Variants in CDC42BPG observed in about 807,000 individuals in gnomAD.
CDC42BPG encodes CDC42 binding protein kinase gamma.
In CDC42BPG, 157 loss-of-function variants were observed where a neutral mutation model predicts 192.2. That is an observed-to-expected ratio of 0.82 (90% CI 0.72 to 0.93). CDC42BPG has a LOEUF of 0.93. Among genes scored for constraint, CDC42BPG ranks in the 40% least tolerant of loss-of-function variants. The pLI, the probability that CDC42BPG is intolerant of heterozygous loss-of-function variation, is 0.00. For missense variants in CDC42BPG, 1,992 were observed against 2,122.1 expected, an observed-to-expected ratio of 0.94 and a Z score of 1.20; for synonymous variants, 981 against 918.5, an observed-to-expected ratio of 1.07 and a Z score of -1.23.
In CDC42BPG at chr11:64,837,027, G is replaced by A. The variant is rs370024764; in HGVS notation, c.1206-8C>T. On this transcript the variant is annotated splice_region_variant and splice_polypyrimidine_tract_variant and intron_variant, in intron 9 of 36. Transcript: ENST00000342711. Reference sequence around the variant, plus strand: ...CTGCTCTCAGGACTGTGACTGTAGGGGGACAGGGGCCATGTTTGTTGGTAG... The same window carrying A: ...CTGCTCTCAGGACTGTGACTGTAGGAGGACAGGGGCCATGTTTGTTGGTAG... 1.8e-5 allele frequency: 29 copies of A among 1,608,844 alleles called. No homozygotes were observed. In the African/African-American group the frequency reaches 3.1e-4, roughly 17 times the overall value.
At chr11:64,842,583 CGT>C (rs1943327143) in intron 1 of CDC42BPG, among the ~76,000 whole-genome samples, 1 of 152,218 alleles carries the variant, frequency 6.6e-6, no homozygotes, top group African/African-American at 2.4e-5. Flanking sequence ...CCCCTGAAGG[CGT>C]GAGTGCTCAG....
chr11:64,826,947 A>G (rs1317119915), intron 34 of CDC42BPG, 103 bp downstream of exon 34: 1 of 1,156,180 alleles, frequency 8.6e-7, no homozygotes, highest in Non-Finnish European at 1.3e-6. Flanking sequence ...CCCAGGCCTT[A>G]GGAGTAATTA....
intron 36 of CDC42BPG, among the ~76,000 whole-genome samples, chr11:64,824,916 TTTTG>T (rs1395273537): frequency 6.6e-6 from 1 of 151,502 alleles, no homozygotes; most frequent in African/African-American, 2.4e-5. Flanking sequence ...CCTAGTTAAT[TTTTG>T]TTTTTCGTTT....
At chr11:64,837,056 C>T (rs1488326028) in intron 9 of CDC42BPG, 37 bp from the exon 10 acceptor site, 1 of 1,507,082 alleles carries the variant, frequency 6.6e-7, no homozygotes, top group Admixed American at 1.7e-5. Context: ...TTGGTAGAAA[C>T]CTCACCCCAC....
chr11:64,840,477 C>A, intron 4 of CDC42BPG, 76 bp downstream of exon 4: 3 of 1,490,728 alleles, frequency 2.0e-6, no homozygotes, highest in Non-Finnish European at 1.9e-6. Flanking sequence ...TCTCTTTGGG[C>A]CCAGTGCCCC....
Position 64,844,325 on chromosome 11 carries a change from G to A in CDC42BPG, c.160+85C>T, listed in dbSNP as rs936837821. The A allele has an allele frequency of 2.5e-6, 3 of 1,223,024 alleles. No individual in the cohort carries two copies. In the South Asian group the frequency reaches 6.7e-5, roughly 27 times the overall value. 75.8% of individuals were successfully genotyped at this position (1,223,024 alleles called of 1,614,324 possible). ...GCGAGGGAAGCCCGTGGGGGTGCGGGTCCCTGCGGGAAAGTCTGCGGGTGC... is the reference window on the plus strand; with the variant it reads ...GCGAGGGAAGCCCGTGGGGGTGCGGATCCCTGCGGGAAAGTCTGCGGGTGC... On this transcript the variant is annotated intron_variant, in intron 1 of 36. Coordinates refer to ENST00000342711, the MANE Select transcript of CDC42BPG (RefSeq NM_017525.3).
At position 64,834,285 on chromosome 11, in the gene CDC42BPG, C is replaced by A. The variant is rs1385789192; in HGVS notation, c.2394G>T (p.Leu798=). 6.3e-7 allele frequency: 1 copy of A among 1,577,230 alleles called. No homozygotes were observed. The highest frequency in any genetic ancestry group is 2.0e-4 in the Middle Eastern group (1 of 5,018). ...QQELAMLREE[L]RARGPVDTKP... ...ACTCACCCACTGGCCCTCGGGCCCG[C>A]AGCTCCTCCCGCAGCATGGCGAGCT... The change falls in exon 20 of 37, where the codon CTG becomes CTT. Residue 798 remains leucine (L), a synonymous_variant. Transcript: ENST00000342711.
intron 23 of CDC42BPG, 21 bp from the exon 24 acceptor site, chr11:64,833,357 T>C: frequency 7.7e-7 from 1 of 1,303,692 alleles, no homozygotes. Context: ...GGACAGCCAT[T>C]ACCCAAGGCC....
rs1444490709 is a variant in CDC42BPG at position 64,841,866 on chromosome 11, G to A, written c.199C>T (p.Gln67Ter). The change falls in exon 2 of 37, where the codon CAG (glutamine) becomes TAG (stop). Residue 67 changes from glutamine to a stop codon, truncating the protein, a stop_gained. Coordinates refer to ENST00000342711, the MANE Select transcript of CDC42BPG (RefSeq NM_017525.3). LOFTEE classifies it high-confidence loss of function. Reference protein sequence around the residue: ...FVSKVKELRLQRDDFEILKVI... With the variant: ...FVSKVKELRL ...TTCAAGATCTCAAAGTCATCTCTCT[G>A]CAGACGCAGTTCTTTCACCTTTGAT... 1.9e-6 allele frequency: 3 copies of A among 1,613,812 alleles called. No individual in the cohort carries two copies. Among genetic ancestry groups the A allele is most frequent in the Non-Finnish European group, 2.5e-6 (3 of 1,179,910 alleles).
chr11:64,833,853 G>T lies in CDC42BPG; in HGVS notation c.2467-17C>A. 1 of 1,614,220 alleles carries T rather than the reference G, an allele frequency of 6.2e-7. No individual in the cohort carries two copies. ...AGAATCCTTCTGGGGGTGGGAGAGAGAGGAGCAAAGTCAAGGTCCCTGTGC... is the reference window on the plus strand; with the variant it reads ...AGAATCCTTCTGGGGGTGGGAGAGATAGGAGCAAAGTCAAGGTCCCTGTGC... On this transcript the variant is annotated splice_polypyrimidine_tract_variant and intron_variant, in intron 21 of 36. Coordinates refer to ENST00000342711, the MANE Select transcript of CDC42BPG (RefSeq NM_017525.3).
intron 28 of CDC42BPG, among the ~76,000 whole-genome samples, chr11:64,830,769 G>T (rs1387036637): frequency 2.0e-5 from 3 of 152,190 alleles, no homozygotes; most frequent in African/African-American, 7.2e-5. Context: ...GAAGAGCCCT[G>T]CTGAGCCCCA....
intron 3 of CDC42BPG, among the ~76,000 whole-genome samples, 199 bp downstream of exon 3, chr11:64,841,451 C>CA (rs376345283): frequency 0.015 from 1,400 of 94,120 alleles, 5 homozygotes; most frequent in Non-Finnish European, 0.022. Flanking sequence ...GATTCCGTCT[C>CA]AAAAAAAAAA....
chr11:64,826,409 C>A, intron 36 of CDC42BPG, 61 bp downstream of exon 36: 1 of 1,184,798 alleles, frequency 8.4e-7, no homozygotes, highest in South Asian at 1.3e-5. Context: ...CAAGGCCTAG[C>A]ATAAAACGGA....
intron 36 of CDC42BPG, among the ~76,000 whole-genome samples, chr11:64,826,067 G>GAAAAA (rs10692629): frequency 7.5e-6 from 1 of 134,000 alleles, no homozygotes. Context: ...ACTCCATCTG[G>GAAAAA]AAAAAAAAAA....
At chr11:64,832,279 G>A (rs1942730255) in intron 27 of CDC42BPG, 149 bp downstream of exon 27, 3 of 836,854 alleles carry the variant, frequency 3.6e-6, no homozygotes. Context: ...TCCTAAACGA[G>A]GTGAGACCGG....
Position 64,833,956 on chromosome 11 carries a change from A to G in CDC42BPG, c.2435T>C (p.Leu812Pro), listed in dbSNP as rs1942841828. The change falls in exon 21 of 37, where the codon CTG becomes CCG. Residue 812 changes from leucine (L) to proline (P), a missense_variant. Physicochemically the swap from Leu to Pro is moderately conservative, Grantham distance 98. Transcript: ENST00000342711. The stretch of plus-strand genomic sequence containing the variant: ...GCTCCGGAAGGACAGGAAGGGAATC[A>G]GGGAGTTTGAGGGCTTGGTGTCTGC... ...GPVDTKPSNS[L>P]IPFLSFRSSE... is the part of the protein sequence containing the mutation. 1 of 1,614,084 alleles carries G rather than the reference A, an allele frequency of 6.2e-7. No individual in the cohort carries two copies. Among genetic ancestry groups the G allele is most frequent in the Admixed American group, 1.7e-5 (1 of 60,008 alleles).
chr11:64,844,199 G>C (rs1289307609), intron 1 of CDC42BPG, among the ~76,000 whole-genome samples: 7 of 152,052 alleles, frequency 4.6e-5, no homozygotes, highest in Non-Finnish European at 8.8e-5. Context: ...CTGTGAGAGG[G>C]AGAGAGCGTG....
Position 64,838,155 on chromosome 11 carries a change from A to G in CDC42BPG, c.1133T>C (p.Leu378Pro), listed in dbSNP as rs1253725112. The change falls in exon 9 of 37, where the codon CTG (leucine) becomes CCG (proline). Residue 378 changes from leucine (L) to proline (P), a missense_variant. Coordinates refer to ENST00000342711, the MANE Select transcript of CDC42BPG (RefSeq NM_017525.3). ...DDDTLNHPGTLPPPSHGAFSG... is the reference protein window; with the variant it reads ...DDDTLNHPGTPPPPSHGAFSG... ...GAAGGCCCCGTGGGAGGGCGGTGGC[A>G]GGGTCCCCTGCAGAGGGAGAGGGAA... The G allele has an allele frequency of 6.4e-7, 1 of 1,552,394 alleles. No individual in the cohort carries two copies. Among genetic ancestry groups the G allele is most frequent in the Non-Finnish European group, 8.7e-7 (1 of 1,148,494 alleles).
In CDC42BPG at chr11:64,829,859, C is replaced by T. The variant is rs200763149; in HGVS notation, c.3579G>A (p.Pro1193=). The change falls in exon 30 of 37, where the codon CCG becomes CCA. Residue 1193 remains proline (P), a synonymous_variant. Coordinates refer to ENST00000342711, the MANE Select transcript of CDC42BPG (RefSeq NM_017525.3). ...AAGSILQART[P]VLCVAVKRQV... ...GGCGCTTGACGGCTACACAGAGCAC[C>T]GGGGTGCGGGCCTGCAGGATGCTTC... The T allele has an allele frequency of 3.4e-4, 544 of 1,607,908 alleles. No individual in the cohort carries two copies. The highest frequency in any genetic ancestry group is 4.2e-4 in the Non-Finnish European group (498 of 1,178,214).
Sources: gnomAD v4.1 joint callset for allele counts (sites outside exome capture counted in the v4.1 genomes callset) on GRCh38, gnomAD v4.1.1 for gene constraint, MANE v1.5 for transcripts, NCBI Gene and HGNC (gene_info 2026-07-23, HGNC 2026-07-21) for gene names.